Variants in PHIP observed in about 807,000 individuals in gnomAD.
PHIP encodes PH-interacting protein.
PHIP carries 54 observed loss-of-function variants against 236.8 expected under a neutral mutation model. That is an observed-to-expected ratio of 0.23 (90% confidence interval 0.18 to 0.29). PHIP has a LOEUF of 0.29. Ranked by LOEUF, PHIP falls within the 10% of genes least tolerant of loss-of-function variation. The pLI is 1.00. For missense variants in PHIP, 1,370 were observed against 2,190.8 expected, an observed-to-expected ratio of 0.63 and a Z score of 7.48; for synonymous variants, 756 against 718.9, an observed-to-expected ratio of 1.05 and a Z score of -0.83.
chr6:79,063,998 G>A (rs971745347), intron 4 of PHIP, among the ~76,000 whole-genome samples: 2 of 151,758 alleles, frequency 1.3e-5, no homozygotes, highest in Non-Finnish European at 2.9e-5. Flanking sequence ...CATTTTCTCA[G>A]CAGATGACCT....
At chr6:78,945,677 T>A in intron 38 of PHIP, 180 bp from the exon 39 acceptor site, 1 of 619,694 alleles carries the variant, frequency 1.6e-6, no homozygotes, top group Non-Finnish European at 2.8e-6. Flanking sequence ...CTCTTAATAG[T>A]TTCAGCCCTT....
At chr6:78,955,092 TA>T in intron 34 of PHIP, 129 bp from the exon 35 acceptor site, 1 of 883,722 alleles carries the variant, frequency 1.1e-6, no homozygotes. Context: ...CACCAAGTTC[TA>T]AAAAACATAC....
chr6:78,974,052 C>T (rs2127710412), intron 24 of PHIP, among the ~76,000 whole-genome samples: 2 of 152,286 alleles, frequency 1.3e-5, no homozygotes, highest in East Asian at 3.9e-4. Flanking sequence ...GAACTCTCCA[C>T]CTCAAATCAA....
At chr6:79,066,925 C>T (rs774253050) in intron 4 of PHIP, among the ~76,000 whole-genome samples, 26 of 152,094 alleles carry the variant, frequency 1.7e-4, no homozygotes, top group Admixed American at 3.3e-4. Flanking sequence ...AGGGGGATCT[C>T]GTTCTGTTAC....
rs1773329177 is a variant in PHIP at position 79,060,791 on chromosome 6, C to CAG, written c.215_216dup (p.Asp73LeufsTer11). ...CGATGACATATTTGCAGCAAGTGAT[C>CAG]AGGTGCTAAGTGTCTGTAATACTTC... On this transcript the variant is annotated frameshift_variant, in exon 5 of 40. Coordinates refer to ENST00000275034, the MANE Select transcript of PHIP (RefSeq NM_017934.7). LOFTEE classifies it high-confidence loss of function. 6.2e-7 allele frequency: 1 copy of CAG among 1,611,746 alleles called. No homozygotes were observed. Among genetic ancestry groups the CAG allele is most frequent in the Non-Finnish European group, 8.5e-7 (1 of 1,178,062 alleles).
chr6:79,042,874 G>A lies in PHIP; in HGVS notation c.569C>T (p.Thr190Ile), dbSNP rs777946619. ...LGHLSSVYCV[T>I]FDRTGRRIFT... is the part of the protein sequence containing the mutation. ...TATCCGTCTGCCAGTTCGATCAAAA[G>A]TTACACAGTACACAGATGACAAGTG... The change falls in exon 7 of 40, where the codon ACT becomes ATT. Residue 190 changes from threonine (T) to isoleucine (I), a missense_variant. Thr to Ile is a moderately conservative substitution (Grantham distance 89, BLOSUM62 -1). Transcript: ENST00000275034. The A allele has an allele frequency of 6.2e-7, 1 of 1,605,890 alleles. No individual in the cohort carries two copies. The highest frequency in any genetic ancestry group is 1.7e-5 in the Admixed American group (1 of 57,594).
At chr6:78,951,114 G>A (rs960908449) in intron 35 of PHIP, among the ~76,000 whole-genome samples, 1 of 152,052 alleles carries the variant, frequency 6.6e-6, no homozygotes, top group East Asian at 1.9e-4. Flanking sequence ...ATTTAGAGGT[G>A]GGCTCTTTCG....
chr6:79,024,011 A>C (rs1771265351), intron 9 of PHIP, among the ~76,000 whole-genome samples: 1 of 152,216 alleles, frequency 6.6e-6, no homozygotes, highest in South Asian at 2.1e-4. Flanking sequence ...TCAGTAAAAT[A>C]TTTCAACTTT....
At chr6:78,966,472 A>T (rs1351469001) in intron 27 of PHIP, among the ~76,000 whole-genome samples, 1 of 152,148 alleles carries the variant, frequency 6.6e-6, no homozygotes, top group Non-Finnish European at 1.5e-5. Context: ...CCCAACCAAC[A>T]ATCAATCAAG....
chr6:78,985,287 A>T (rs1373704621), intron 22 of PHIP, 65 bp downstream of exon 22: 6 of 555,750 alleles, frequency 1.1e-5, no homozygotes, highest in Non-Finnish European at 1.8e-5. Context: ...GTTGCTGGTT[A>T]AAAAAAAAAA....
At chr6:79,076,240 T>C (rs560749162) in intron 4 of PHIP, among the ~76,000 whole-genome samples, 2 of 152,332 alleles carry the variant, frequency 1.3e-5, no homozygotes, top group East Asian at 1.9e-4. Flanking sequence ...ATTATAATCA[T>C]GTCCTGCTTT....
chr6:78,935,203 A>C lies in PHIP; in HGVS notation c.*5490T>G, dbSNP rs1171964676. On this transcript the variant is annotated 3_prime_UTR_variant, in exon 40 of 40. Coordinates refer to ENST00000275034, the MANE Select transcript of PHIP (RefSeq NM_017934.7). Reference sequence around the variant, plus strand: ...ACTTCATAAAGAAAAGGTTATCAGGAATTTTTTTTACCTTCCTTCCTCAAC... The same window carrying C: ...ACTTCATAAAGAAAAGGTTATCAGGCATTTTTTTTACCTTCCTTCCTCAAC... Among the ~76,000 whole-genome samples, 1 of 152,156 alleles carries C rather than the reference A, an allele frequency of 6.6e-6. No homozygotes were observed. Among genetic ancestry groups the C allele is most frequent in the Non-Finnish European group, 1.5e-5 (1 of 68,010 alleles).
At chr6:79,034,900 C>CT (rs1397074760) in intron 7 of PHIP, among the ~76,000 whole-genome samples, 1 of 152,134 alleles carries the variant, frequency 6.6e-6, no homozygotes, top group East Asian at 1.9e-4. Flanking sequence ...GACTAATATT[C>CT]TTTGAGTGTG....
intron 4 of PHIP, among the ~76,000 whole-genome samples, chr6:79,072,196 C>T (rs1016811474): frequency 1.3e-5 from 2 of 152,112 alleles, no homozygotes; most frequent in African/African-American, 4.8e-5. Context: ...GACGCCATAG[C>T]CAAATTCTCT....
chr6:79,075,543 A>G (rs1310091422), intron 4 of PHIP, among the ~76,000 whole-genome samples: 1 of 151,774 alleles, frequency 6.6e-6, no homozygotes, highest in Non-Finnish European at 1.5e-5. Context: ...CAGACTAGGG[A>G]TAGAAATTCA....
At chr6:78,973,889 AC>A (rs1767821910) in intron 24 of PHIP, among the ~76,000 whole-genome samples, 2 of 151,728 alleles carry the variant, frequency 1.3e-5, no homozygotes, top group African/African-American at 4.8e-5. Context: ...GTCTTGAGTG[AC>A]CTACAAAGAG....
chr6:78,943,310 C>A (rs1008491203), intron 39 of PHIP, among the ~76,000 whole-genome samples: 1 of 151,880 alleles, frequency 6.6e-6, no homozygotes, highest in African/African-American at 2.4e-5. Context: ...TATACAGTAC[C>A]AGTACTCGAG....
intron 23 of PHIP, among the ~76,000 whole-genome samples, chr6:78,979,702 T>C (rs1315780970): frequency 6.6e-6 from 1 of 152,102 alleles, no homozygotes; most frequent in African/African-American, 2.4e-5. Flanking sequence ...AAAAAAGTTA[T>C]GCAATTGATT....
intron 24 of PHIP, among the ~76,000 whole-genome samples, chr6:78,972,940 G>C (rs1415525872): frequency 6.6e-6 from 1 of 152,020 alleles, no homozygotes; most frequent in African/African-American, 2.4e-5. Flanking sequence ...ATGGAACCAA[G>C]TTGGAAAACA....
Sources: gnomAD v4.1 joint callset for allele counts (sites outside exome capture counted in the v4.1 genomes callset) on GRCh38, gnomAD v4.1.1 for gene constraint, MANE v1.5 for transcripts, NCBI Gene and HGNC (gene_info 2026-07-23, HGNC 2026-07-21) for gene names.